FRMD8: variants seen among roughly 807,000 people sequenced by gnomAD.
The protein encoded by FRMD8 is FERM domain containing 8.
Under a neutral mutation model 54.2 loss-of-function variants are expected in FRMD8, and 37 were observed. The observed-to-expected ratio is 0.68, with a 90% confidence interval of 0.53 to 0.90. The LOEUF is 0.90. FRMD8 is among the 40% of genes least tolerant of loss of function. The pLI, the probability that FRMD8 is intolerant of heterozygous loss-of-function variation, is 0.00. For synonymous variants in FRMD8, 246 were observed against 286.9 expected (o/e 0.86, Z 1.44); for missense variants, 585 against 653.7 (o/e 0.89, Z 1.15).
At chr11:65,391,991 G>C (rs1197152147) in intron 3 of FRMD8, among the ~76,000 whole-genome samples, 4 of 152,252 alleles carry the variant, frequency 2.6e-5, no homozygotes, top group South Asian at 2.1e-4. Flanking sequence ...CAGACAGAGA[G>C]AGCATGAGGA....
upstream of FRMD8, chr11:65,383,215 C>G (rs1248913360): frequency 6.6e-6 from 1 of 152,640 alleles, no homozygotes; most frequent in African/African-American, 2.4e-5. Flanking sequence ...CGCCCAAGGC[C>G]CAGTCCTTCT....
At chr11:65,394,011 G>T (rs1379281937) in intron 4 of FRMD8, 30 bp from the exon 5 acceptor site, 4 of 1,612,150 alleles carry the variant, frequency 2.5e-6, no homozygotes, top group Non-Finnish European at 3.4e-6. Context: ...GAGTGGGGAT[G>T]CCCGGCAGTG....
At chr11:65,402,195 C>CA (rs1423465129) in intron 9 of FRMD8, among the ~76,000 whole-genome samples, 1 of 151,866 alleles carries the variant, frequency 6.6e-6, no homozygotes, top group Admixed American at 6.6e-5. Context: ...ACTAAAAATA[C>CA]AAAAAATTGG....
chr11:65,387,238 T>A, intron 2 of FRMD8, 117 bp downstream of exon 2: 1 of 894,264 alleles, frequency 1.1e-6, no homozygotes, highest in Non-Finnish European at 1.8e-6. Context: ...TAAGAAATAA[T>A]AAGGTACATT....
At chr11:65,388,462 G>T (rs1317238506) in intron 2 of FRMD8, among the ~76,000 whole-genome samples, 1 of 152,160 alleles carries the variant, frequency 6.6e-6, no homozygotes. Flanking sequence ...GGAGGGAGGA[G>T]TATTAGCTCT....
At chr11:65,402,464 ATG>A (rs1236585320) in intron 9 of FRMD8, among the ~76,000 whole-genome samples, 5 of 152,114 alleles carry the variant, frequency 3.3e-5, no homozygotes, top group African/African-American at 1.2e-4. Context: ...CCACTGATAT[ATG>A]TGTGTCTTTC....
chr11:65,376,697 G>C, the FRMD8 span: 1 of 1,613,340 alleles, frequency 6.2e-7, no homozygotes, highest in African/African-American at 1.3e-5. Flanking sequence ...AGAGCCCAGA[G>C]CAGGGGTCAG....
At chr11:65,377,587 G>A in the FRMD8 span, 64 of 179,032 alleles carry the variant, frequency 3.6e-4, no homozygotes, top group South Asian at 0.011. Flanking sequence ...CCTGCCTCCA[G>A]AGAGGCAAGA....
intron 10 of FRMD8, among the ~76,000 whole-genome samples, chr11:65,409,287 A>G (rs1443070892): frequency 2.0e-5 from 3 of 152,052 alleles, no homozygotes; most frequent in Non-Finnish European, 4.4e-5. Context: ...GGGTTTCGCC[A>G]TGTTGGCCAG....
chr11:65,369,686 C>T, the FRMD8 span, among the ~76,000 whole-genome samples: 3 of 151,726 alleles, frequency 2.0e-5, no homozygotes, highest in Admixed American at 2.0e-4. Context: ...GAGATCAAGC[C>T]ACTGCACTCC....
At chr11:65,394,492 C>A (rs1855908352) in intron 6 of FRMD8, 67 bp downstream of exon 6, 3 of 1,512,608 alleles carry the variant, frequency 2.0e-6, no homozygotes, top group Non-Finnish European at 2.7e-6. Flanking sequence ...ATGGAACTTA[C>A]AAGCAGTCTT....
chr11:65,382,270 GC>G, upstream of FRMD8: 1 of 437,464 alleles, frequency 2.3e-6, no homozygotes, highest in Non-Finnish European at 4.3e-6. The surrounding 1 kb of genome is among the most constrained non-coding windows in gnomAD (Gnocchi z 4.4). Flanking sequence ...CCATGGTCGG[GC>G]CCCTCCAGGG....
chr11:65,376,252 G>A, the FRMD8 span: 2 of 940,732 alleles, frequency 2.1e-6, no homozygotes, highest in Non-Finnish European at 3.1e-6. Flanking sequence ...TCCCACAGGT[G>A]TCTGCCCAGC....
chr11:65,391,375 T>C (rs774909259), intron 3 of FRMD8, among the ~76,000 whole-genome samples: 8 of 152,090 alleles, frequency 5.3e-5, no homozygotes, highest in Non-Finnish European at 7.4e-5. Context: ...CTCCAGGGTG[T>C]CCCTAGGCCC....
chr11:65,394,569 C>T, intron 6 of FRMD8, 144 bp downstream of exon 6: 1 of 1,015,482 alleles, frequency 9.8e-7, no homozygotes, highest in South Asian at 1.6e-5. Flanking sequence ...TCACTCTGGC[C>T]CTAGGCAGTT....
At chr11:65,374,275 G>C in the FRMD8 span, among the ~76,000 whole-genome samples, 1 of 152,144 alleles carries the variant, frequency 6.6e-6, no homozygotes, top group Non-Finnish European at 1.5e-5. Flanking sequence ...GGTGTGGGGG[G>C]AGTTGAACTT....
In FRMD8 at chr11:65,396,719, C is replaced by T. The variant is rs539983544; in HGVS notation, c.582-80C>T. ...TAGATGTGTGTCTGCTTCCTCCAGG[C>T]AGCCTTGCTTCCCTCGCCCTCCCCC... On this transcript the variant is annotated intron_variant, in intron 6 of 10. Transcript: ENST00000317568. 7 of 892,474 alleles carry T rather than the reference C, an allele frequency of 7.8e-6. No homozygotes were observed. The African/African-American group carries it at 1.2e-4, about 16-fold the overall frequency. 55.3% of individuals were successfully genotyped at this position (892,474 alleles called of 1,614,324 possible).
chr11:65,393,480 C>T lies in FRMD8; in HGVS notation c.254-93C>T, dbSNP rs879062048. Reference sequence around the variant, plus strand: ...GCACCTGCTCAGTTACTATTGGTTGCGACTGTCGTCATGCTGTGCGGTGTG... The same window carrying T: ...GCACCTGCTCAGTTACTATTGGTTGTGACTGTCGTCATGCTGTGCGGTGTG... On this transcript the variant is annotated intron_variant, in intron 3 of 10. Transcript: ENST00000317568. The T allele has an allele frequency of 4.9e-5, 44 of 893,182 alleles. 1 individual carries two copies. The highest frequency in any genetic ancestry group is 3.6e-4 in the African/African-American group (22 of 61,456). 55.3% of individuals were successfully genotyped at this position (893,182 alleles called of 1,614,324 possible). A position where few individuals can be genotyped will look rare whatever the true frequency, so the allele number is the denominator to read the frequency against.
the FRMD8 span, chr11:65,376,604 T>C: frequency 1 from 1,606,645 of 1,614,118 alleles, 799,884 homozygotes; most frequent in East Asian, 1. Flanking sequence ...GACTTGATCA[T>C]GTCTAAGGGC....
Sources: gnomAD v4.1 joint callset for allele counts (sites outside exome capture counted in the v4.1 genomes callset) on GRCh38, gnomAD v4.1.1 for gene constraint, Gnocchi (gnomAD v3.1) non-coding constraint, MANE v1.5 for transcripts, NCBI Gene and HGNC (gene_info 2026-07-23, HGNC 2026-07-21) for gene names.